The following CHD1 variants were observed in gnomAD, a reference collection of about 807,000 sequenced individuals.
The protein encoded by CHD1 is ATP-dependent chromatin remodeler CHD1.
In CHD1, 36 loss-of-function variants were observed where a neutral mutation model predicts 224.2. The observed-to-expected ratio is 0.16, with a 90% CI of 0.12 to 0.21. The LOEUF is 0.21. CHD1 is among the 10% of genes least tolerant of loss of function. The probability of loss-of-function intolerance (pLI) is 1.00; values close to 1 mark genes in which losing one functional copy is unlikely to be tolerated. For missense variants in CHD1, 1,378 were observed against 1,994.8 expected, an observed-to-expected ratio of 0.69 and a Z score of 5.89; for synonymous variants, 668 against 658.3, an observed-to-expected ratio of 1.01 and a Z score of -0.23.
intron 22 of CHD1, among the ~76,000 whole-genome samples, chr5:98,880,793 T>G (rs1299312269): frequency 1.3e-5 from 2 of 152,230 alleles, no homozygotes; most frequent in Non-Finnish European, 2.9e-5. Context: ...ACTGATTCAT[T>G]TATTTACCTA....
At chr5:98,927,605 A>G (rs1342061752) in intron 1 of CHD1, among the ~76,000 whole-genome samples, 2 of 152,240 alleles carry the variant, frequency 1.3e-5, no homozygotes, top group Non-Finnish European at 1.5e-5. Flanking sequence ...TAACCGTTCT[A>G]CTCAACATTT....
chr5:98,854,237 T>A lies in CHD1; in HGVS notation c.*2143A>T, dbSNP rs1001869386. On this transcript the variant is annotated 3_prime_UTR_variant, in exon 36 of 36. Transcript: ENST00000614616. The stretch of plus-strand genomic sequence containing the variant: ...GATAAATGTACATACAGTTCTATAT[T>A]TTTCATTCAACTCAGCTAACTAGCT... The A allele has an allele frequency of 2.6e-5, 4 of 152,090 alleles. No homozygotes were observed. The highest frequency in any genetic ancestry group is 9.6e-5 in the African/African-American group (4 of 41,452). 9.4% of individuals were successfully genotyped at this position (152,090 alleles called of 1,614,324 possible).
In CHD1 at chr5:98,896,312, G is replaced by C. The variant is rs1286932761; in HGVS notation, c.1624C>G (p.Leu542Val). The part of the protein sequence containing the change: ...PFLLVVPLST[L>V]TSWQREIQTW... ...TGAATTTCCCTTTGCCAGGAAGTAA[G>C]AGTGGAGAGCGGTACTACCAATAAA... Residue 542 changes from leucine (L) to valine (V), a missense_variant, in exon 12 of 36, where the codon CTT (leucine) becomes GTT (valine). Leu to Val is a conservative substitution (Grantham distance 32). Coordinates refer to ENST00000614616, the MANE Select transcript of CHD1 (RefSeq NM_001270.4). 1 of 1,614,084 alleles carries C rather than the reference G, an allele frequency of 6.2e-7. No individual in the cohort carries two copies. The highest frequency in any genetic ancestry group is 2.2e-5 in the East Asian group (1 of 44,878).
intron 31 of CHD1, among the ~76,000 whole-genome samples, chr5:98,864,817 G>A (rs1406426426): frequency 6.6e-6 from 1 of 152,110 alleles, no homozygotes; most frequent in African/African-American, 2.4e-5. Flanking sequence ...CTAACTTTTA[G>A]TTTATTCATT....
Position 98,885,635 on chromosome 5 carries a change from T to A in CHD1, c.2511A>T (p.Ser837=). 6.3e-7 allele frequency: 1 copy of A among 1,595,030 alleles called. No homozygotes were observed. Among genetic ancestry groups the A allele is most frequent in the Non-Finnish European group, 8.6e-7 (1 of 1,165,190 alleles). The change falls in exon 18 of 36, where the codon TCA becomes TCT. Residue 837 remains serine (S), a synonymous_variant. Transcript: ENST00000614616. ...CTTGTTTCCTCAGTTCTCCTTTTAT[T>A]GATCCATCTAATCTCTAGAAAAAAA... ...RQFPFQRLDG[S]IKGELRKQAL...
Position 98,854,040 on chromosome 5 carries a change from T to C in CHD1, c.*2340A>G. On this transcript the variant is annotated 3_prime_UTR_variant, in exon 36 of 36. Coordinates refer to ENST00000614616, the MANE Select transcript of CHD1 (RefSeq NM_001270.4). ...TGGAAGGTTAATTGGTACAGTACTA[T>C]ACATAATCTCTCACCCTTGAAAAAT... 1 of 152,004 alleles carries C rather than the reference T, an allele frequency of 6.6e-6. No homozygotes were observed. The highest frequency in any genetic ancestry group is 1.9e-4 in the East Asian group (1 of 5,200). The allele number at this position is 152,004 out of a possible 1,614,324, so 9.4% of individuals were successfully genotyped here.
chr5:98,923,230 GTCTC>G (rs1753224049), intron 2 of CHD1, among the ~76,000 whole-genome samples: 1 of 151,994 alleles, frequency 6.6e-6, no homozygotes, highest in Admixed American at 6.5e-5. Context: ...AAAAAAGAAG[GTCTC>G]TCTCCTGATA....
At chr5:98,914,212 T>C (rs1452900585) in intron 2 of CHD1, among the ~76,000 whole-genome samples, 3 of 152,170 alleles carry the variant, frequency 2.0e-5, no homozygotes, top group Non-Finnish European at 2.9e-5. Flanking sequence ...CCTTTGCATC[T>C]TCTCCCTGCT....
chr5:98,905,295 T>C (rs1034381913), intron 2 of CHD1, among the ~76,000 whole-genome samples, 197 bp from the exon 3 acceptor site: 18 of 152,176 alleles, frequency 1.2e-4, no homozygotes, highest in African/African-American at 4.3e-4. Context: ...TTATACGTGA[T>C]AGATTATTAC....
At chr5:98,883,028 T>G (rs1426647923) in intron 19 of CHD1, 60 bp downstream of exon 19, 2 of 1,032,668 alleles carry the variant, frequency 1.9e-6, no homozygotes, top group South Asian at 2.6e-5. Context: ...TGAAATCACT[T>G]CCAAAAAAAA....
intron 18 of CHD1, among the ~76,000 whole-genome samples, chr5:98,883,709 C>T (rs974816958): frequency 1.5e-4 from 22 of 151,242 alleles, no homozygotes; most frequent in African/African-American, 2.2e-4. Flanking sequence ...CCAGCCCAAA[C>T]GCCCATCAAT....
At chr5:98,920,796 CAAA>C (rs1232499151) in intron 2 of CHD1, among the ~76,000 whole-genome samples, 5 of 82,222 alleles carry the variant, frequency 6.1e-5, no homozygotes, top group Admixed American at 2.9e-4. Flanking sequence ...GACGCCGTCT[CAAA>C]AAAAAAAAAA....
intron 22 of CHD1, 115 bp from the exon 23 acceptor site, chr5:98,879,843 A>AAAGG: frequency 1.6e-6 from 1 of 624,758 alleles, no homozygotes; most frequent in Non-Finnish European, 2.7e-6. Flanking sequence ...GCTGTGGACT[A>AAAGG]AACCAAATAT....
At chr5:98,916,168 G>A (rs1752715959) in intron 2 of CHD1, among the ~76,000 whole-genome samples, 7 of 151,952 alleles carry the variant, frequency 4.6e-5, no homozygotes, top group Admixed American at 4.6e-4. Flanking sequence ...CTCCAGCCTA[G>A]GCAACAAGAG....
At chr5:98,906,720 T>C (rs2112558792) in intron 2 of CHD1, among the ~76,000 whole-genome samples, 1 of 152,326 alleles carries the variant, frequency 6.6e-6, no homozygotes, top group South Asian at 2.1e-4. Flanking sequence ...TAGAAGAAAG[T>C]GCTGTTAAAT....
chr5:98,872,491 T>C lies in CHD1; in HGVS notation c.3636A>G (p.Lys1212=), dbSNP rs1288373350. 6.2e-7 allele frequency: 1 copy of C among 1,613,578 alleles called. No homozygotes were observed. ...ATTCTTCTTCATGGGAGATGACTAG[T>C]TTGGCATTCACCTGTACTCCTGATA... is the stretch of plus-strand genomic sequence containing the variant. ...FRISGVQVNA[K]LVISHEEELI... is the part of the protein sequence containing the mutation. Residue 1212 remains lysine, a synonymous_variant, in exon 27 of 36, where the codon AAA becomes AAG. Coordinates refer to ENST00000614616, the MANE Select transcript of CHD1 (RefSeq NM_001270.4).
intron 12 of CHD1, among the ~76,000 whole-genome samples, chr5:98,895,715 T>C (rs1338196800): frequency 6.6e-6 from 1 of 151,146 alleles, no homozygotes; most frequent in Non-Finnish European, 1.5e-5. Flanking sequence ...ATCACACCAC[T>C]GTACTCCAGT....
At chr5:98,881,801 AT>A in intron 20 of CHD1, among the ~76,000 whole-genome samples, 173 bp downstream of exon 20, 1 of 152,352 alleles carries the variant, frequency 6.6e-6, no homozygotes, top group African/African-American at 2.4e-5. Flanking sequence ...ATCTGTAGCG[AT>A]GAAACCAGGT....
intron 31 of CHD1, among the ~76,000 whole-genome samples, chr5:98,864,213 C>CA (rs1748685561): frequency 6.6e-6 from 1 of 151,694 alleles, no homozygotes; most frequent in African/African-American, 2.4e-5. Context: ...AACCTTATGC[C>CA]AAAATCAGAA....
Sources: gnomAD v4.1 joint callset for allele counts (sites outside exome capture counted in the v4.1 genomes callset) on GRCh38, gnomAD v4.1.1 for gene constraint, MANE v1.5 for transcripts, NCBI Gene and HGNC (gene_info 2026-07-23, HGNC 2026-07-21) for gene names.